Variants in ARB2A observed in about 807,000 individuals in gnomAD.
The protein encoded by ARB2A is cotranscriptional regulator ARB2A.
chr5:94,013,049 G>A, the ARB2A span, among the ~76,000 whole-genome samples: 1 of 152,102 alleles, frequency 6.6e-6, no homozygotes, highest in Non-Finnish European at 1.5e-5. Context: ...TATGAAACAC[G>A]TGATGAAAAT....
chr5:93,875,887 C>A, the ARB2A span, among the ~76,000 whole-genome samples: 6 of 151,618 alleles, frequency 4.0e-5, no homozygotes, highest in South Asian at 1.2e-3. Flanking sequence ...CAGCAGCAGC[C>A]CCTTGTGGTC....
chr5:93,753,002 G>C, the ARB2A span, among the ~76,000 whole-genome samples: 4 of 152,068 alleles, frequency 2.6e-5, no homozygotes, highest in Non-Finnish European at 5.9e-5. Context: ...TCACTTAAAG[G>C]ATCAGAATAT....
the ARB2A span, chr5:93,738,424 A>G: frequency 6.6e-6 from 1 of 152,450 alleles, no homozygotes; most frequent in African/African-American, 2.4e-5. Flanking sequence ...TTACTGTATG[A>G]CTCAGAAATT....
the ARB2A span, among the ~76,000 whole-genome samples, chr5:93,822,767 T>A: frequency 6.6e-6 from 1 of 151,936 alleles, no homozygotes; most frequent in Non-Finnish European, 1.5e-5. Flanking sequence ...ATTATATATA[T>A]CAAAATAAAT....
At chr5:94,007,601 C>T in the ARB2A span, among the ~76,000 whole-genome samples, 1 of 152,008 alleles carries the variant, frequency 6.6e-6, no homozygotes, top group African/African-American at 2.4e-5. Flanking sequence ...GGTGAAACCC[C>T]ATCTCTATTA....
At chr5:93,832,956 A>G in the ARB2A span, among the ~76,000 whole-genome samples, 1 of 152,200 alleles carries the variant, frequency 6.6e-6, no homozygotes, top group Non-Finnish European at 1.5e-5. Flanking sequence ...ATTTACTACA[A>G]TGTCTTACAA....
the ARB2A span, among the ~76,000 whole-genome samples, chr5:94,100,211 T>C: frequency 6.6e-6 from 1 of 151,966 alleles, no homozygotes; most frequent in African/African-American, 2.4e-5. Context: ...CACAAATACC[T>C]AGGAATGCAG....
chr5:93,682,731 T>A, the ARB2A span: 2 of 693,712 alleles, frequency 2.9e-6, no homozygotes, highest in Non-Finnish European at 5.2e-6. Context: ...TCAAACACGG[T>A]AGAGAAAGTT....
chr5:93,773,829 AGCTCACTG>A, the ARB2A span, among the ~76,000 whole-genome samples: 1 of 152,182 alleles, frequency 6.6e-6, no homozygotes, highest in African/African-American at 2.4e-5. Context: ...GTACAATCAT[AGCTCACTG>A]GCTCACTGTA....
At chr5:93,851,817 T>C in the ARB2A span, among the ~76,000 whole-genome samples, 1 of 152,146 alleles carries the variant, frequency 6.6e-6, no homozygotes, top group Admixed American at 6.5e-5. Context: ...TATTCCATGG[T>C]GTATATATGC....
the ARB2A span, chr5:93,805,931 T>C: frequency 2.5e-5 from 25 of 985,146 alleles, no homozygotes; most frequent in Non-Finnish European, 3.0e-5. Context: ...CTGTGAAATA[T>C]ATAGACTCTT....
chr5:93,738,657 A>G, the ARB2A span: 2 of 152,274 alleles, frequency 1.3e-5, no homozygotes, highest in African/African-American at 4.8e-5. Flanking sequence ...GATACACACT[A>G]CAACACAGAT....
At chr5:94,034,476 G>A in the ARB2A span, among the ~76,000 whole-genome samples, 1 of 152,032 alleles carries the variant, frequency 6.6e-6, no homozygotes, top group South Asian at 2.1e-4. Context: ...TCATAAAGAG[G>A]CCAACTGCTT....
At chr5:93,699,082 A>G in the ARB2A span, among the ~76,000 whole-genome samples, 1 of 152,226 alleles carries the variant, frequency 6.6e-6, no homozygotes, top group East Asian at 1.9e-4. Flanking sequence ...CCTATGTAGT[A>G]AGCCCTACTC....
the ARB2A span, among the ~76,000 whole-genome samples, chr5:93,703,004 ATGACCCAT>A: frequency 1.3e-4 from 20 of 152,220 alleles, 1 homozygote; most frequent in Admixed American, 1.3e-3. Flanking sequence ...AAAATTAAAA[ATGACCCAT>A]TTATCAGCTG....
chr5:93,696,441 T>TC, the ARB2A span, among the ~76,000 whole-genome samples: 4 of 152,162 alleles, frequency 2.6e-5, no homozygotes, highest in African/African-American at 9.7e-5. Flanking sequence ...AATGGATCTC[T>TC]CCTTCTCAAT....
At chr5:93,895,045 G>A in the ARB2A span, among the ~76,000 whole-genome samples, 23 of 152,244 alleles carry the variant, frequency 1.5e-4, no homozygotes, top group African/African-American at 4.1e-4. Context: ...AGGCAAATGC[G>A]AGATTAGACA....
the ARB2A span, among the ~76,000 whole-genome samples, chr5:93,728,612 C>T: frequency 7.9e-5 from 12 of 151,838 alleles, no homozygotes; most frequent in Non-Finnish European, 1.5e-5. Context: ...ATCTGCTAAA[C>T]CATTAATTTC....
the ARB2A span, among the ~76,000 whole-genome samples, chr5:93,781,492 A>C: frequency 6.6e-6 from 1 of 152,196 alleles, no homozygotes; most frequent in African/African-American, 2.4e-5. Context: ...CACTGCGATA[A>C]ACATACCAGT....
Sources: gnomAD v4.1 joint callset for allele counts (sites outside exome capture counted in the v4.1 genomes callset) on GRCh38, gnomAD v4.1.1 for gene constraint, MANE v1.5 for transcripts, NCBI Gene and HGNC (gene_info 2026-07-23, HGNC 2026-07-21) for gene names.